Variants in GLDC observed in about 807,000 individuals in gnomAD.
The protein encoded by GLDC is glycine decarboxylase, also known as glycine dehydrogenase (decarboxylating), mitochondrial.
A neutral mutation model predicts 121.3 loss-of-function variants in GLDC; 104 were observed. That is an observed-to-expected ratio of 0.86 (90% CI 0.73 to 1.01). GLDC has a LOEUF of 1.01. GLDC is among the 50% of genes least tolerant of loss of function. The probability of loss-of-function intolerance (pLI) is 0.00; values close to 1 mark genes in which losing one functional copy is unlikely to be tolerated. For synonymous variants in GLDC, 546 were observed against 480.6 expected (o/e 1.14, Z -1.78); for missense variants, 1,429 against 1,306.6 (o/e 1.09, Z -1.44).
chr9:6,560,143 G>T (rs1281691041), intron 16 of GLDC, among the ~76,000 whole-genome samples: 1 of 152,154 alleles, frequency 6.6e-6, no homozygotes, highest in Non-Finnish European at 1.5e-5. Context: ...GTGTCCCAGT[G>T]GGAAAGTAAG....
intron 23 of GLDC, 188 bp downstream of exon 23, chr9:6,535,876 T>C (rs890814754): frequency 8.0e-6 from 5 of 626,684 alleles, no homozygotes; most frequent in African/African-American, 7.2e-5. Flanking sequence ...ACATCATCCT[T>C]GAGTAACTGC....
chr9:6,604,992 G>T lies in GLDC; in HGVS notation c.861+139C>A, dbSNP rs7019544. ...GAACAGAAAAAAGTAGCAGCAAGGA[G>T]TCAGGAAGGAGAGTTTTACCATTCC... On this transcript the variant is annotated intron_variant, in intron 6 of 24. Transcript: ENST00000321612. 4.9e-3 allele frequency: 4,848 copies of T among 988,952 alleles called. 135 individuals carry two copies. In the African/African-American group the frequency reaches 0.065, roughly 13 times the overall value. The allele number at this position is 988,952 out of a possible 1,614,324, so 61.3% of individuals were successfully genotyped here.
intron 15 of GLDC, chr9:6,565,742 T>A (rs1056214926): frequency 1.8e-6 from 1 of 570,760 alleles, no homozygotes; most frequent in Admixed American, 3.1e-5. Flanking sequence ...TTCAAAACTA[T>A]ACCAAAATAC....
At chr9:6,571,873 G>C (rs1817976260) in intron 15 of GLDC, among the ~76,000 whole-genome samples, 2 of 152,126 alleles carry the variant, frequency 1.3e-5, no homozygotes, top group South Asian at 4.1e-4. Context: ...CAATGGAATA[G>C]AATATAGAAT....
intron 15 of GLDC, among the ~76,000 whole-genome samples, chr9:6,570,884 G>C (rs1236681510): frequency 6.6e-6 from 1 of 151,394 alleles, no homozygotes; most frequent in Non-Finnish European, 1.5e-5. Flanking sequence ...GTTTCTCGGG[G>C]TATGTTTTTA....
At chr9:6,563,732 G>A (rs898271439) in intron 16 of GLDC, among the ~76,000 whole-genome samples, 9 of 152,346 alleles carry the variant, frequency 5.9e-5, no homozygotes, top group Admixed American at 5.2e-4. Context: ...CAGGGTCTGT[G>A]TCTGTCTGGT....
chr9:6,641,083 A>T (rs894731742), intron 2 of GLDC, among the ~76,000 whole-genome samples: 5 of 152,170 alleles, frequency 3.3e-5, no homozygotes, highest in African/African-American at 1.2e-4. Flanking sequence ...GTTCATGATC[A>T]AAGTATTTTG....
intron 2 of GLDC, among the ~76,000 whole-genome samples, chr9:6,636,847 G>A (rs1187599855): frequency 1.3e-5 from 2 of 151,950 alleles, no homozygotes; most frequent in African/African-American, 4.8e-5. Flanking sequence ...ACTTTGGGAG[G>A]CTGAGGCGGG....
intron 11 of GLDC, among the ~76,000 whole-genome samples, chr9:6,591,616 C>A (rs937014550): frequency 6.6e-6 from 1 of 152,052 alleles, no homozygotes; most frequent in Non-Finnish European, 1.5e-5. Flanking sequence ...TGGAGTTTTG[C>A]TCTTGCTGCC....
At position 6,606,578 on chromosome 9, in the gene GLDC, A is replaced by G; in HGVS notation, c.713+14T>C. The G allele has an allele frequency of 2.7e-6, 4 of 1,455,756 alleles. No individual in the cohort carries two copies. The highest frequency in any genetic ancestry group is 2.9e-6 in the Non-Finnish European group (3 of 1,035,892). 90.2% of individuals were successfully genotyped at this position (1,455,756 alleles called of 1,614,324 possible). On this transcript the variant is annotated intron_variant, in intron 5 of 24. Coordinates refer to ENST00000321612, the MANE Select transcript of GLDC (RefSeq NM_000170.3). The stretch of plus-strand genomic sequence containing the variant: ...ACATTATACTGAGTTTAAAACACGA[A>G]TCAAATTAATTACTTGGCTCGAGTC...
chr9:6,558,850 T>G (rs1219225242), intron 16 of GLDC, among the ~76,000 whole-genome samples, 166 bp from the exon 17 acceptor site: 1 of 152,244 alleles, frequency 6.6e-6, no homozygotes, highest in Admixed American at 6.5e-5. Flanking sequence ...TATTTGTCAT[T>G]GCAAAGCAAT....
intron 2 of GLDC, among the ~76,000 whole-genome samples, chr9:6,624,883 G>A (rs1325155716): frequency 1.3e-5 from 2 of 152,042 alleles, no homozygotes; most frequent in African/African-American, 2.4e-5. Flanking sequence ...AGCTACTTGG[G>A]AGGCTGACAC....
chr9:6,620,513 C>G (rs1012466766), intron 2 of GLDC, among the ~76,000 whole-genome samples, 194 bp from the exon 3 acceptor site: 4 of 151,674 alleles, frequency 2.6e-5, no homozygotes, highest in African/African-American at 9.7e-5. Flanking sequence ...AAACAACACT[C>G]AATTTCTCCT....
chr9:6,638,481 C>G (rs1456928386), intron 2 of GLDC, among the ~76,000 whole-genome samples: 4 of 152,120 alleles, frequency 2.6e-5, no homozygotes, highest in African/African-American at 7.2e-5. Context: ...TCCCAAAGTG[C>G]TGGGATTATG....
chr9:6,632,677 C>T (rs2129989811), intron 2 of GLDC, among the ~76,000 whole-genome samples: 1 of 152,344 alleles, frequency 6.6e-6, no homozygotes. Flanking sequence ...TAGCACGCGC[C>T]CCGGTTCAGC....
rs777874091 is a variant in GLDC at position 6,534,672 on chromosome 9, C to G, written c.2919+36G>C. The G allele has an allele frequency of 4.3e-6, 5 of 1,153,146 alleles. No individual in the cohort carries two copies. In the African/African-American group the frequency reaches 4.5e-5, roughly 10 times the overall value. The allele number at this position is 1,153,146 out of a possible 1,614,324, so 71.4% of individuals were successfully genotyped here. A position where few individuals can be genotyped will look rare whatever the true frequency, so the allele number is the denominator to read the frequency against. On this transcript the variant is annotated intron_variant, in intron 24 of 24. Transcript: ENST00000321612. ...CGTCAGGATAGGAGCTGGCCCATGC[C>G]TTCCCAGCTGGCACATTCAGATTCA...
intron 21 of GLDC, among the ~76,000 whole-genome samples, chr9:6,545,055 C>A (rs1361295022): frequency 6.6e-6 from 1 of 151,474 alleles, no homozygotes; most frequent in Non-Finnish European, 1.5e-5. Context: ...GCTGAGATTG[C>A]GCCATTGCAA....
intron 3 of GLDC, among the ~76,000 whole-genome samples, chr9:6,611,173 T>C (rs1257925735): frequency 6.6e-6 from 1 of 152,184 alleles, no homozygotes; most frequent in Non-Finnish European, 1.5e-5. Context: ...AGGATGGAAA[T>C]GTTTAGAAGG....
intron 22 of GLDC, among the ~76,000 whole-genome samples, chr9:6,538,131 A>G (rs1817176161): frequency 6.6e-6 from 1 of 151,568 alleles, no homozygotes. Context: ...TTTTTAAGAG[A>G]ACAAGCTGAT....
Sources: gnomAD v4.1 joint callset for allele counts (sites outside exome capture counted in the v4.1 genomes callset) on GRCh38, gnomAD v4.1.1 for gene constraint, MANE v1.5 for transcripts, NCBI Gene and HGNC (gene_info 2026-07-23, HGNC 2026-07-21) for gene names.